TMPRSS11A: variants seen among roughly 807,000 people sequenced by gnomAD.
TMPRSS11A encodes transmembrane serine protease 11A.
A neutral mutation model predicts 58.9 loss-of-function variants in TMPRSS11A; 53 were observed. The observed-to-expected ratio is 0.90, with a 90% CI of 0.72 to 1.13. The LOEUF (loss-of-function observed/expected upper bound fraction) is 1.13. TMPRSS11A is among the 50% of genes most tolerant of loss of function. The probability of loss-of-function intolerance (pLI) is 0.00; values close to 1 mark genes in which losing one functional copy is unlikely to be tolerated. For missense variants in TMPRSS11A, 493 were observed against 499.3 expected, an observed-to-expected ratio of 0.99 and a Z score of 0.12; for synonymous variants, 167 against 169.8, an observed-to-expected ratio of 0.98 and a Z score of 0.13.
At chr4:67,926,985 C>A (rs1267511144) in intron 5 of TMPRSS11A, among the ~76,000 whole-genome samples, 1 of 152,154 alleles carries the variant, frequency 6.6e-6, no homozygotes, top group African/African-American at 2.4e-5. Flanking sequence ...ACCTCCAGGG[C>A]CTCCTCTTTG....
intron 3 of TMPRSS11A, among the ~76,000 whole-genome samples, chr4:67,939,784 G>A (rs1720837154): frequency 6.6e-6 from 1 of 152,146 alleles, no homozygotes; most frequent in Non-Finnish European, 1.5e-5. Flanking sequence ...TGCCTCCTGG[G>A]TTCAAGTGAT....
At chr4:67,940,188 T>C in intron 3 of TMPRSS11A, among the ~76,000 whole-genome samples, 1 of 152,178 alleles carries the variant, frequency 6.6e-6, no homozygotes, top group Non-Finnish European at 1.5e-5. Context: ...TATTGGCCTG[T>C]AATTTTCTTT....
intron 1 of TMPRSS11A, among the ~76,000 whole-genome samples, chr4:67,950,330 T>C (rs1414846454): frequency 1.3e-5 from 2 of 152,258 alleles, no homozygotes; most frequent in Non-Finnish European, 2.9e-5. Flanking sequence ...AGCTCCCAGA[T>C]GCCATCCATT....
At chr4:67,939,257 A>T (rs146525644) in intron 3 of TMPRSS11A, among the ~76,000 whole-genome samples, 7 of 152,162 alleles carry the variant, frequency 4.6e-5, no homozygotes, top group Non-Finnish European at 1.0e-4. Flanking sequence ...AATTTTGTAC[A>T]TTGATTTTGT....
intron 3 of TMPRSS11A, among the ~76,000 whole-genome samples, chr4:67,938,455 G>A (rs1457559472): frequency 6.6e-6 from 1 of 152,128 alleles, no homozygotes. Context: ...AGTTGCTTTT[G>A]AGGACTTAGT....
At chr4:67,957,906 A>T (rs1010915377) in intron 1 of TMPRSS11A, among the ~76,000 whole-genome samples, 1 of 152,146 alleles carries the variant, frequency 6.6e-6, no homozygotes, top group Non-Finnish European at 1.5e-5. Flanking sequence ...CTTGTGTCCC[A>T]GTTGCTCCAG....
Position 67,963,374 on chromosome 4 carries a change from T to A in TMPRSS11A, c.11+9A>T. ...AAACAAGCCATCTATAAAACAGAAC[T>A]GAACTTACCGATACATCATGTACAG... On this transcript the variant is annotated intron_variant, in intron 1 of 9. Coordinates refer to ENST00000508048, the MANE Select transcript of TMPRSS11A (RefSeq NM_001114387.2). 4 of 1,613,706 alleles carry A rather than the reference T, an allele frequency of 2.5e-6. No individual in the cohort carries two copies. Among genetic ancestry groups the A allele is most frequent in the Non-Finnish European group, 3.4e-6 (4 of 1,179,832 alleles).
chr4:67,913,927 G>A (rs937372188), intron 9 of TMPRSS11A, among the ~76,000 whole-genome samples: 11 of 152,130 alleles, frequency 7.2e-5, no homozygotes, highest in Admixed American at 6.5e-4. Flanking sequence ...ACGTACCTTC[G>A]CTGGAAAACA....
At chr4:67,938,031 A>G (rs979835495) in intron 3 of TMPRSS11A, among the ~76,000 whole-genome samples, 15 of 152,172 alleles carry the variant, frequency 9.9e-5, no homozygotes, top group African/African-American at 2.9e-4. Context: ...ACAGTATTTA[A>G]GCATTCTCTT....
At chr4:67,937,264 G>A (rs112836091) in intron 3 of TMPRSS11A, among the ~76,000 whole-genome samples, 1,658 of 152,106 alleles carry the variant, frequency 0.011, 28 homozygotes, top group African/African-American at 0.038. Flanking sequence ...CACACTAGAT[G>A]TACATACACA....
chr4:67,923,551 G>A (rs1345118114), intron 6 of TMPRSS11A, among the ~76,000 whole-genome samples: 1 of 152,096 alleles, frequency 6.6e-6, no homozygotes, highest in East Asian at 1.9e-4. Flanking sequence ...CTGTCGCTGA[G>A]GCTGGAGTGC....
intron 1 of TMPRSS11A, among the ~76,000 whole-genome samples, chr4:67,953,795 CA>C (rs11420763): frequency 7.1e-4 from 103 of 144,138 alleles, no homozygotes; most frequent in Non-Finnish European, 1.0e-3. Context: ...AACTCCATCT[CA>C]AAAAAAAAAA....
intron 7 of TMPRSS11A, among the ~76,000 whole-genome samples, chr4:67,921,460 A>G (rs1168839722): frequency 6.6e-6 from 1 of 152,066 alleles, no homozygotes; most frequent in East Asian, 1.9e-4. Flanking sequence ...TAGCCTCCCA[A>G]GTAGCTGGGA....
At chr4:67,924,188 A>G (rs200746363) in intron 5 of TMPRSS11A, 22 bp from the exon 6 acceptor site, 9 of 1,608,914 alleles carry the variant, frequency 5.6e-6, no homozygotes, top group Non-Finnish European at 5.1e-6. Context: ...GATAAAACAA[A>G]TAGTGATAAT....
chr4:67,953,591 G>A (rs1401313351), intron 1 of TMPRSS11A, among the ~76,000 whole-genome samples: 1 of 152,142 alleles, frequency 6.6e-6, no homozygotes, highest in Non-Finnish European at 1.5e-5. Context: ...GTGAGGTTGG[G>A]AGTTCGAGAC....
At position 67,920,639 on chromosome 4, in the gene TMPRSS11A, T is replaced by G. The variant is rs1270026753; in HGVS notation, c.693-1407A>C. Among the ~76,000 whole-genome samples the G allele has an allele frequency of 2.0e-5, 3 of 151,118 alleles. No homozygotes were observed. The East Asian group carries it at 5.9e-4, about 30-fold the overall frequency. ...TATATGTGTGTGCATATATATACTT[T>G]TTTCAAAGTTCAGGGTTACATGTGC... is the stretch of plus-strand genomic sequence containing the variant. On this transcript the variant is annotated intron_variant, in intron 7 of 9. Transcript: ENST00000508048.
chr4:67,930,741 A>G (rs185658090), intron 4 of TMPRSS11A, among the ~76,000 whole-genome samples: 17 of 142,926 alleles, frequency 1.2e-4, no homozygotes, highest in African/African-American at 3.6e-4. Flanking sequence ...AAAAGCAATT[A>G]CAGGTTTTTG....
Position 67,914,595 on chromosome 4 carries a change from G to A in TMPRSS11A, c.1088C>T (p.Ala363Val), listed in dbSNP as rs754020688. 4 of 1,613,194 alleles carry A rather than the reference G, an allele frequency of 2.5e-6. No homozygotes were observed. In the East Asian group the frequency reaches 8.9e-5, roughly 36 times the overall value. ...AAAATCCCTCCAACTTACCCTGCAG[G>A]CATCATAAATTCCTTCCATATATCC... The part of the protein sequence containing the change: ...CAGYMEGIYD[A>V]CRGDSGGPLV... The change falls in exon 9 of 10, where the codon GCC (alanine) becomes GTC (valine). Residue 363 changes from alanine (A) to valine (V), a missense_variant. Transcript: ENST00000508048.
At chr4:67,958,961 A>G (rs1157962157) in intron 1 of TMPRSS11A, among the ~76,000 whole-genome samples, 2 of 152,328 alleles carry the variant, frequency 1.3e-5, no homozygotes, top group South Asian at 2.1e-4. Context: ...TGTGTAAGAA[A>G]GACAATCATG....
Sources: allele counts gnomAD v4.1 joint callset (sites outside exome capture counted in the v4.1 genomes callset), GRCh38; gene constraint gnomAD v4.1.1; transcripts MANE v1.5; gene names NCBI Gene and HGNC (gene_info 2026-07-23, HGNC 2026-07-21).